Variants in SLC12A1 observed in about 807,000 individuals in gnomAD.
SLC12A1 encodes solute carrier family 12 member 1.
In SLC12A1, 89 loss-of-function variants were observed where a neutral mutation model predicts 130.4. The ratio of observed to expected loss-of-function variants is 0.68; its 90% CI spans 0.58 to 0.81. The LOEUF (loss-of-function observed/expected upper bound fraction) is 0.81. Among genes scored for constraint, SLC12A1 ranks in the 40% least tolerant of loss-of-function variants. The probability of loss-of-function intolerance (pLI) is 0.00; values close to 1 mark genes in which losing one functional copy is unlikely to be tolerated. For missense variants in SLC12A1, 1,310 were observed against 1,336.4 expected (o/e 0.98, Z 0.31); for synonymous variants, 499 against 460.0 (o/e 1.08, Z -1.09).
chr15:48,253,040 A>G (rs2041665755), intron 15 of SLC12A1, among the ~76,000 whole-genome samples: 1 of 152,334 alleles, frequency 6.6e-6, no homozygotes, highest in South Asian at 2.1e-4. Context: ...AGTACCATGT[A>G]TATTAAATTT....
At chr15:48,294,672 C>T (rs1332337528) in intron 24 of SLC12A1, among the ~76,000 whole-genome samples, 2 of 152,116 alleles carry the variant, frequency 1.3e-5, no homozygotes, top group Non-Finnish European at 2.9e-5. Context: ...ATCAAACAAG[C>T]TCATCATATG....
At chr15:48,248,621 T>A (rs558899079) in intron 13 of SLC12A1, among the ~76,000 whole-genome samples, 1 of 152,350 alleles carries the variant, frequency 6.6e-6, no homozygotes, top group South Asian at 2.1e-4. Context: ...CATTGCATCA[T>A]TTGCATCATT....
At chr15:48,277,116 T>G (rs2041961545) in intron 20 of SLC12A1, among the ~76,000 whole-genome samples, 1 of 152,066 alleles carries the variant, frequency 6.6e-6, no homozygotes, top group African/African-American at 2.4e-5. Flanking sequence ...GGAATGAGAT[T>G]GAGCAGGCTT....
At position 48,286,196 on chromosome 15, in the gene SLC12A1, C is replaced by T. The variant is rs146645957; in HGVS notation, c.2629+947C>T. On this transcript the variant is annotated intron_variant, in intron 21 of 26. Transcript: ENST00000380993. Reference sequence around the variant, plus strand: ...TTGCTTTCCTACTATAGCCCAAGGACGAAATTTCACCTGTAATATAATAGT... The same window carrying T: ...TTGCTTTCCTACTATAGCCCAAGGATGAAATTTCACCTGTAATATAATAGT... Among the ~76,000 whole-genome samples, 17 of 152,226 alleles carry T rather than the reference C, an allele frequency of 1.1e-4. No individual in the cohort carries two copies. The South Asian group carries it at 3.3e-3, about 30-fold the overall frequency.
At chr15:48,258,872 C>T (rs2041739021) in intron 16 of SLC12A1, among the ~76,000 whole-genome samples, 1 of 152,134 alleles carries the variant, frequency 6.6e-6, no homozygotes, top group Admixed American at 6.5e-5. Flanking sequence ...ATTCAATTAC[C>T]TCCCACTGGG....
chr15:48,292,487 T>C (rs2042131963), intron 24 of SLC12A1, among the ~76,000 whole-genome samples: 1 of 152,234 alleles, frequency 6.6e-6, no homozygotes, highest in Admixed American at 6.5e-5. Flanking sequence ...ATTATTTTAA[T>C]CCTCATTAAT....
intron 17 of SLC12A1, among the ~76,000 whole-genome samples, chr15:48,263,982 C>A (rs1388018289): frequency 6.6e-6 from 1 of 152,200 alleles, no homozygotes; most frequent in African/African-American, 2.4e-5. Context: ...AGCCATTGCA[C>A]TCGGCCCTCC....
intron 19 of SLC12A1, among the ~76,000 whole-genome samples, chr15:48,271,195 A>G (rs959942258): frequency 6.6e-6 from 1 of 152,080 alleles, no homozygotes; most frequent in African/African-American, 2.4e-5. Context: ...CTGGGCAACA[A>G]GATTAAAACT....
rs2042082181 is a variant in SLC12A1, at chr15:48,288,394, C to A, written c.2762-11C>A. 2 of 1,357,040 alleles carry A rather than the reference C, an allele frequency of 1.5e-6. No individual in the cohort carries two copies. Among genetic ancestry groups the A allele is most frequent in the African/African-American group, 1.5e-5 (1 of 68,586 alleles). 84.1% of individuals were successfully genotyped at this position (1,357,040 alleles called of 1,614,324 possible). On this transcript the variant is annotated splice_polypyrimidine_tract_variant and intron_variant, in intron 22 of 26. Transcript: ENST00000380993. ...TATACTCATTGTGTCATAATTTATT[C>A]TTTATTCCAGGGTTAACACTTCTTA...
At chr15:48,228,547 A>G (rs2041323022) in intron 5 of SLC12A1, 2 of 173,134 alleles carry the variant, frequency 1.2e-5, no homozygotes, top group Non-Finnish European at 2.5e-5. Flanking sequence ...ATATCAGAAA[A>G]TTTTACGTAT....
At chr15:48,281,058 T>C (rs1248084606) in intron 20 of SLC12A1, among the ~76,000 whole-genome samples, 4 of 152,146 alleles carry the variant, frequency 2.6e-5, no homozygotes, top group Non-Finnish European at 5.9e-5. Context: ...ATGAAGAACA[T>C]GGGAGGGATA....
intron 20 of SLC12A1, among the ~76,000 whole-genome samples, chr15:48,279,183 A>C (rs561829937): frequency 6.6e-6 from 1 of 152,346 alleles, no homozygotes; most frequent in East Asian, 1.9e-4. Context: ...GGTTTATGTA[A>C]TTTACGACAC....
At chr15:48,228,596 T>C in intron 5 of SLC12A1, 1 of 235,794 alleles carries the variant, frequency 4.2e-6, no homozygotes, top group Non-Finnish European at 8.9e-6. Context: ...TTTATATATA[T>C]ATATCATGCC....
chr15:48,235,300 T>C (rs1184426002), intron 9 of SLC12A1: 1 of 379,332 alleles, frequency 2.6e-6, no homozygotes, highest in Non-Finnish European at 4.9e-6. Flanking sequence ...AGAACCACCC[T>C]TTCTCTTTTA....
chr15:48,234,528 A>G (rs1597414004), intron 8 of SLC12A1, among the ~76,000 whole-genome samples: 1 of 152,214 alleles, frequency 6.6e-6, no homozygotes, highest in East Asian at 1.9e-4. Context: ...GGATCACCTG[A>G]GGTCAGGAGT....
At chr15:48,257,212 C>A (rs190825380) in intron 16 of SLC12A1, among the ~76,000 whole-genome samples, 1 of 152,346 alleles carries the variant, frequency 6.6e-6, no homozygotes, top group African/African-American at 2.4e-5. Flanking sequence ...TTGAGCAGCT[C>A]TGCCCCTGTG....
chr15:48,237,545 A>G (rs2041453579), intron 9 of SLC12A1, among the ~76,000 whole-genome samples: 1 of 152,204 alleles, frequency 6.6e-6, no homozygotes, highest in South Asian at 2.1e-4. Flanking sequence ...GTTCACATGT[A>G]AAGAAACTAC....
In SLC12A1 at chr15:48,267,592, A is replaced by G. The variant is rs1343103276; in HGVS notation, c.2186A>G (p.Asn729Ser). The change falls in exon 18 of 27, where the codon AAC (asparagine) becomes AGC (serine). Residue 729 changes from asparagine to serine, a missense_variant. By Grantham distance (46) the Asn-to-Ser change is conservative (BLOSUM62 1). Coordinates refer to ENST00000380993, the MANE Select transcript of SLC12A1 (RefSeq NM_000338.3). ...CGCAAACTGTGTGTTAAGGAGATGA[A>G]CAGTGGCATGGCGAAAAAACAGGCC... is the stretch of plus-strand genomic sequence containing the variant. ...GPRKLCVKEMNSGMAKKQAWL... is the reference protein window; with the variant it reads ...GPRKLCVKEMSSGMAKKQAWL... 1 of 1,613,612 alleles carries G rather than the reference A, an allele frequency of 6.2e-7. No individual in the cohort carries two copies. The highest frequency in any genetic ancestry group is 1.7e-5 in the Admixed American group (1 of 59,976).
At chr15:48,247,980 T>A (rs1380866311) in intron 13 of SLC12A1, among the ~76,000 whole-genome samples, 1 of 152,192 alleles carries the variant, frequency 6.6e-6, no homozygotes, top group Non-Finnish European at 1.5e-5. Flanking sequence ...CATTTGAGAA[T>A]CACTTACCTA....
Sources: gnomAD v4.1 joint callset for allele counts (sites outside exome capture counted in the v4.1 genomes callset) on GRCh38, gnomAD v4.1.1 for gene constraint, MANE v1.5 for transcripts, NCBI Gene and HGNC (gene_info 2026-07-23, HGNC 2026-07-21) for gene names.